The following UBE2U variants were observed in gnomAD, a reference collection of about 807,000 sequenced individuals.
UBE2U encodes ubiquitin-conjugating enzyme E2 U.
A neutral mutation model predicts 41.2 loss-of-function variants in UBE2U; 39 were observed. The observed-to-expected ratio is 0.95, with a 90% confidence interval of 0.73 to 1.24. The LOEUF (loss-of-function observed/expected upper bound fraction) is 1.24. UBE2U is among the 50% of genes most tolerant of loss of function. The pLI is 0.00. For synonymous variants in UBE2U, 107 were observed against 117.8 expected (o/e 0.91, Z 0.60); for missense variants, 336 against 363.1 (o/e 0.93, Z 0.61).
intron 7 of UBE2U, among the ~76,000 whole-genome samples, chr1:64,237,288 C>CATAGAAAAAAA: frequency 1.0e-5 from 1 of 98,752 alleles, no homozygotes; most frequent in South Asian, 3.4e-4. Context: ...AGATGTTGGA[C>CATAGAAAAAAA]AAGAGATGTA....
chr1:64,223,798 G>A (rs1541063), intron 6 of UBE2U, among the ~76,000 whole-genome samples: 26,653 of 152,074 alleles, frequency 0.18, 2,844 homozygotes, highest in Non-Finnish European at 0.24. Flanking sequence ...GGCTTCTAGA[G>A]GCAGAATGGG....
intron 8 of UBE2U, among the ~76,000 whole-genome samples, chr1:64,242,533 C>T (rs1321337546): frequency 2.6e-5 from 4 of 152,064 alleles, no homozygotes; most frequent in East Asian, 1.9e-4. Context: ...TGGAAATACA[C>T]GATGAATAAA....
intron 6 of UBE2U, among the ~76,000 whole-genome samples, chr1:64,230,913 T>TG (rs1450446522): frequency 5.3e-5 from 8 of 152,208 alleles, no homozygotes; most frequent in Non-Finnish European, 8.8e-5. Context: ...TTCCCATCAT[T>TG]GGTTGAAACT....
At chr1:64,208,291 G>A (rs1325992331) in intron 3 of UBE2U, among the ~76,000 whole-genome samples, 3 of 152,066 alleles carry the variant, frequency 2.0e-5, no homozygotes, top group Non-Finnish European at 4.4e-5. Flanking sequence ...GCACAAGTGT[G>A]CAAGAGTGTG....
In UBE2U at chr1:64,239,157, A is replaced by AAGAAGAAAAGAAGAAGAAGAAG; in HGVS notation, c.596-2494_596-2493insGAAGAAAAGAAGAAGAAGAAGA. On this transcript the variant is annotated intron_variant, in intron 7 of 9. Coordinates refer to ENST00000371077, the MANE Select transcript of UBE2U (RefSeq NM_001366232.2). ...GAAGAAGAAGAAGAAGAAGAAGAAGAAAGAAGAAGAAGAAGAAGAAGAAGA... is the reference window on the plus strand; with the variant it reads ...GAAGAAGAAGAAGAAGAAGAAGAAGAAGAAGAAAAGAAGAAGAAGAAGAAGAAGAAGAAGAAGAAGAAGAAGA... Among the ~76,000 whole-genome samples the AAGAAGAAAAGAAGAAGAAGAAG allele has an allele frequency of 1.6e-3, 60 of 37,042 alleles. 4 individuals carry two copies. The highest frequency in any genetic ancestry group is 7.2e-3 in the East Asian group (7 of 966). The allele number at this position is 37,042 out of a possible 152,430, so 24.3% of individuals were successfully genotyped here.
At chr1:64,241,556 T>A in intron 7 of UBE2U, 96 bp from the exon 8 acceptor site, 1 of 834,994 alleles carries the variant, frequency 1.2e-6, no homozygotes, top group Non-Finnish European at 1.9e-6. Flanking sequence ...TTGCCACATA[T>A]CAAGTTAATG....
Position 64,257,328 on chromosome 1 carries a change from A to G in UBE2U, c.678-3275A>G, listed in dbSNP as rs1645109387. Among the ~76,000 whole-genome samples, 3 of 152,220 alleles carry G rather than the reference A, an allele frequency of 2.0e-5. No homozygotes were observed. The South Asian group carries it at 6.2e-4, about 32-fold the overall frequency. On this transcript the variant is annotated intron_variant, in intron 8 of 9. Transcript: ENST00000371077. Reference sequence around the variant, plus strand: ...CATGCATGCCTATGTTCATTGCAGCACTATTCACAAGAGCAAAGACATGGA... The same window carrying G: ...CATGCATGCCTATGTTCATTGCAGCGCTATTCACAAGAGCAAAGACATGGA...
intron 6 of UBE2U, among the ~76,000 whole-genome samples, chr1:64,226,738 TAAA>T (rs11311272): frequency 7.4e-4 from 110 of 148,240 alleles, no homozygotes; most frequent in African/African-American, 2.3e-3. Context: ...AAATAAAACT[TAAA>T]AAAAAAAAAA....
At chr1:64,249,408 A>G (rs1293996416) in intron 8 of UBE2U, among the ~76,000 whole-genome samples, 2 of 149,832 alleles carry the variant, frequency 1.3e-5, no homozygotes, top group Non-Finnish European at 3.0e-5. Flanking sequence ...ATCACCAGTC[A>G]TACAAATAAG....
chr1:64,254,058 G>A (rs1171532773), intron 8 of UBE2U, among the ~76,000 whole-genome samples: 1 of 152,140 alleles, frequency 6.6e-6, no homozygotes, highest in East Asian at 1.9e-4. Context: ...AAAATAAAGG[G>A]ATGGAGGAAA....
At chr1:64,228,147 C>A (rs531204788) in intron 6 of UBE2U, among the ~76,000 whole-genome samples, 5 of 152,144 alleles carry the variant, frequency 3.3e-5, no homozygotes, top group Admixed American at 1.3e-4. Flanking sequence ...AGCATAGATA[C>A]CCCTAGATAT....
intron 8 of UBE2U, among the ~76,000 whole-genome samples, chr1:64,251,582 G>C (rs1462756435): frequency 6.6e-6 from 1 of 152,232 alleles, no homozygotes; most frequent in East Asian, 1.9e-4. Flanking sequence ...AAAGCAGGGT[G>C]AGGTGAGAGC....
chr1:64,206,148 G>C (rs1325283757), intron 2 of UBE2U, among the ~76,000 whole-genome samples: 2 of 152,112 alleles, frequency 1.3e-5, no homozygotes, highest in East Asian at 3.9e-4. Flanking sequence ...AAAATCTCAA[G>C]AACACTAAGC....
chr1:64,247,599 T>C (rs1644942467), intron 8 of UBE2U, among the ~76,000 whole-genome samples: 1 of 152,100 alleles, frequency 6.6e-6, no homozygotes, highest in South Asian at 2.1e-4. Flanking sequence ...GAATGGAGGC[T>C]CAAGCCTGTA....
chr1:64,254,733 C>G (rs1461991202), intron 8 of UBE2U, among the ~76,000 whole-genome samples: 1 of 151,796 alleles, frequency 6.6e-6, no homozygotes, highest in Non-Finnish European at 1.5e-5. Context: ...AAATAAGAAC[C>G]AAGAGATGAT....
rs1485848144 is a variant in UBE2U at position 64,223,087 on chromosome 1, G to A, written c.506+2180G>A. Among the ~76,000 whole-genome samples the A allele has an allele frequency of 6.6e-5, 10 of 152,268 alleles. No individual in the cohort carries two copies. The East Asian group carries it at 1.9e-3, about 29-fold the overall frequency. ...CTAGTACTTAGAATGTACTTAGAAT[G>A]TACTGTAGTCATCCACGTACTTAGA... On this transcript the variant is annotated intron_variant, in intron 6 of 9. Transcript: ENST00000371077.
intron 8 of UBE2U, among the ~76,000 whole-genome samples, chr1:64,256,933 T>C (rs1330861747): frequency 6.8e-6 from 1 of 147,746 alleles, no homozygotes; most frequent in Non-Finnish European, 1.5e-5. Flanking sequence ...CATTAAAAAA[T>C]GGGCAAAGGA....
Position 64,214,762 on chromosome 1 carries a change from G to T in UBE2U, c.340-53G>T. On this transcript the variant is annotated intron_variant, in intron 4 of 9. Coordinates refer to ENST00000371077, the MANE Select transcript of UBE2U (RefSeq NM_001366232.2). ...GTTGTATATATTGGTTTGTCGTTTT[G>T]CTCTAAAAAAAGTTTACTTCTGAAA... is the stretch of plus-strand genomic sequence containing the variant. 2.8e-6 allele frequency: 4 copies of T among 1,421,086 alleles called. No homozygotes were observed. In the South Asian group the frequency reaches 4.6e-5, roughly 16 times the overall value. 88.0% of individuals were successfully genotyped at this position (1,421,086 alleles called of 1,614,324 possible).
At chr1:64,261,740 C>T (rs970826211) in intron 9 of UBE2U, among the ~76,000 whole-genome samples, 4 of 152,142 alleles carry the variant, frequency 2.6e-5, no homozygotes, top group Admixed American at 6.6e-5. Context: ...TCCATGATTT[C>T]CCTACTCCCC....
Sources: allele counts gnomAD v4.1 joint callset (sites outside exome capture counted in the v4.1 genomes callset), GRCh38; gene constraint gnomAD v4.1.1; transcripts MANE v1.5; gene names NCBI Gene and HGNC (gene_info 2026-07-23, HGNC 2026-07-21).